DUOX2: variants seen among roughly 807,000 people sequenced by gnomAD.
The protein encoded by DUOX2 is NADH/NADPH thyroid oxidase p138-tox.
Under a neutral mutation model 183.3 loss-of-function variants are expected in DUOX2, and 185 were observed. The observed-to-expected ratio is 1.01, with a 90% CI of 0.90 to 1.14. The LOEUF (loss-of-function observed/expected upper bound fraction) is 1.14. Among genes scored for constraint, DUOX2 ranks in the 50% most tolerant of loss-of-function variants. The pLI is 0.00. For missense variants in DUOX2, 1,999 were observed against 2,022.9 expected (o/e 0.99, Z 0.23); for synonymous variants, 788 against 812.4 (o/e 0.97, Z 0.51).
Position 45,112,972 on chromosome 15 carries a change from G to A in DUOX2, c.160+15C>T. 1 of 1,612,660 alleles carries A rather than the reference G, an allele frequency of 6.2e-7. No individual in the cohort carries two copies. Among genetic ancestry groups the A allele is most frequent in the Non-Finnish European group, 8.5e-7 (1 of 1,179,440 alleles). On this transcript the variant is annotated intron_variant, in intron 3 of 33. Transcript: ENST00000389039. ...CGAGCCACGGCCCCAGCACGCCCGG[G>A]CCCCCAGAACGCACCAACAGCACCA...
chr15:45,097,903 G>T, intron 27 of DUOX2, 106 bp downstream of exon 27: 1 of 1,540,514 alleles, frequency 6.5e-7, no homozygotes, highest in Non-Finnish European at 9.0e-7. Flanking sequence ...TGTCCTGAAG[G>T]CTAGAAACAG....
chr15:45,109,314 T>A (rs779571385), intron 11 of DUOX2: 16 of 611,774 alleles, frequency 2.6e-5, no homozygotes, highest in Admixed American at 5.8e-5. Flanking sequence ...TCAGACATAG[T>A]TAATTTAAAA....
intron 12 of DUOX2, chr15:45,108,567 G>A (rs1894294015): frequency 6.2e-6 from 4 of 647,770 alleles, no homozygotes; most frequent in Non-Finnish European, 1.1e-5. Flanking sequence ...CTGCAGGAAT[G>A]GTACAATGCA....
At chr15:45,109,854 T>TG in intron 10 of DUOX2, 36 bp downstream of exon 10, 1 of 1,594,970 alleles carries the variant, frequency 6.3e-7, no homozygotes, top group Non-Finnish European at 8.6e-7. Context: ...AGACTGACCT[T>TG]GACCCATCTT....
At chr15:45,103,626 C>T (rs566697909) in intron 20 of DUOX2, among the ~76,000 whole-genome samples, 3 of 152,100 alleles carry the variant, frequency 2.0e-5, no homozygotes, top group South Asian at 4.2e-4. Flanking sequence ...TTGGGCGTGC[C>T]GTAAAATAGT....
Position 45,111,840 on chromosome 15 carries a change from G to C in DUOX2, c.441C>G (p.Asp147Glu), listed in dbSNP as rs1393541062. The C allele has an allele frequency of 1.2e-6, 2 of 1,613,212 alleles. No individual in the cohort carries two copies. The highest frequency in any genetic ancestry group is 2.2e-5 in the East Asian group (1 of 44,874). Residue 147 changes from aspartate (D) to glutamate (E), a missense_variant, in exon 5 of 34, where the codon GAC (aspartate) becomes GAG (glutamate). Physicochemically the swap from Asp to Glu is conservative, Grantham distance 45 (BLOSUM62 2). Transcript: ENST00000389039. ...GGCTCCTCTGGAAGGGCAGCACCAC[G>C]TCCCCGCGCTGGTCGGGGTCGAACA... is the stretch of plus-strand genomic sequence containing the variant. ...DPVFDPDQRG[D>E]VVLPFQRSRW...
In DUOX2 at chr15:45,104,129, C is replaced by G. The variant is rs750460804; in HGVS notation, c.2560+11G>C. 6.2e-7 allele frequency: 1 copy of G among 1,614,166 alleles called. No individual in the cohort carries two copies. On this transcript the variant is annotated intron_variant, in intron 19 of 33. Coordinates refer to ENST00000389039, the MANE Select transcript of DUOX2 (RefSeq NM_001363711.2). ...GATTCTTGGATAGCCTGCCACCTCC[C>G]AGCCCCCTACCTTTCATGAAGACCA...
intron 20 of DUOX2, among the ~76,000 whole-genome samples, chr15:45,102,767 A>C (rs572857523): frequency 7.2e-5 from 11 of 152,184 alleles, no homozygotes; most frequent in Non-Finnish European, 1.5e-4. Context: ...TGATCCCCTG[A>C]GGTCAGGAGT....
At chr15:45,108,708 G>A in intron 12 of DUOX2, 81 bp downstream of exon 12, 1 of 1,395,416 alleles carries the variant, frequency 7.2e-7, no homozygotes, top group Non-Finnish European at 1.0e-6. Context: ...TAGATTAAAT[G>A]AGTCAACATA....
rs1894240409 is a variant in DUOX2, at chr15:45,107,118, T to C, written c.1694-149A>G. 4.6e-6 allele frequency: 6 copies of C among 1,292,036 alleles called. No individual in the cohort carries two copies. In the South Asian group the frequency reaches 5.1e-5, roughly 11 times the overall value. 80.0% of individuals were successfully genotyped at this position (1,292,036 alleles called of 1,614,324 possible). A position where few individuals can be genotyped will look rare whatever the true frequency, so the allele number is the denominator to read the frequency against. On this transcript the variant is annotated intron_variant, in intron 14 of 33. Transcript: ENST00000389039. ...ACTGTCTCCCTCAAAAAGTCCCCAT[T>C]CATTTCCTGTCTCTTGGCATCTACC...
At chr15:45,111,732 G>T in intron 5 of DUOX2, 36 bp downstream of exon 5, 1 of 1,506,734 alleles carries the variant, frequency 6.6e-7, no homozygotes, top group Non-Finnish European at 8.9e-7. Context: ...CACCTGGCTG[G>T]GGTGCGGTCC....
chr15:45,112,933 G>T, intron 3 of DUOX2, 54 bp downstream of exon 3: 1 of 1,595,910 alleles, frequency 6.3e-7, no homozygotes, highest in Non-Finnish European at 8.6e-7. Flanking sequence ...GGCCTTTCGC[G>T]CCCCGGCCCT....
At chr15:45,094,744 C>T in intron 32 of DUOX2, 53 bp from the exon 33 acceptor site, 2 of 1,609,492 alleles carry the variant, frequency 1.2e-6, no homozygotes, top group African/African-American at 1.3e-5. Context: ...AGCACTCAGC[C>T]CGAGCCAGCC....
chr15:45,101,912 G>T lies in DUOX2; in HGVS notation c.2732C>A (p.Ser911Ter). The T allele has an allele frequency of 1.2e-6, 2 of 1,614,192 alleles. No individual in the cohort carries two copies. ...AEVVESMFRESGFQDKEELTW... is the reference protein window; with the variant it reads ...AEVVESMFRE ...CAGCTCCTCCTTGTCCTGGAATCCC[G>T]ACTCCCGGAACATAGACTCCACCAC... Residue 911 changes from serine (S) to a stop codon, truncating the protein, a stop_gained, in exon 21 of 34, where the codon TCG (serine) becomes TAG (stop). Coordinates refer to ENST00000389039, the MANE Select transcript of DUOX2 (RefSeq NM_001363711.2). LOFTEE classifies it high-confidence loss of function.
intron 4 of DUOX2, among the ~76,000 whole-genome samples, 199 bp downstream of exon 4, chr15:45,112,355 A>G (rs1213830390): frequency 6.6e-6 from 1 of 152,186 alleles, no homozygotes; most frequent in African/African-American, 2.4e-5. Flanking sequence ...CGTAAGAGAA[A>G]GGTTAGATAC....
Position 45,094,212 on chromosome 15 carries a change from C to T in DUOX2, c.4585G>A (p.Ala1529Thr), listed in dbSNP as rs1374151637. 2.5e-6 allele frequency: 4 copies of T among 1,614,010 alleles called. No homozygotes were observed. The highest frequency in any genetic ancestry group is 3.4e-6 in the Non-Finnish European group (4 of 1,180,028). Reference sequence around the variant, plus strand: ...TCCTGCCTGTTGACGAGCTGACAGGCCTTCTCTACATTCTTGGTCATTCCT... The same window carrying T: ...TCCTGCCTGTTGACGAGCTGACAGGTCTTCTCTACATTCTTGGTCATTCCT... ...PPGMTKNVEK[A>T]CQLVNRQDRA... Residue 1529 changes from alanine (A) to threonine (T), a missense_variant, in exon 34 of 34, where the codon GCC (alanine) becomes ACC (threonine). Coordinates refer to ENST00000389039, the MANE Select transcript of DUOX2 (RefSeq NM_001363711.2).
In DUOX2 at chr15:45,095,587, A is replaced by G. The variant is rs1277098314; in HGVS notation, c.4089T>C (p.Leu1363=). The change falls in exon 31 of 34, where the codon CTT becomes CTC. Residue 1363 remains leucine (L), a synonymous_variant. Transcript: ENST00000389039. The part of the protein sequence containing the change: ...NGCAGYPKLY[L]DGPFGEGHQE... Reference sequence around the variant, plus strand: ...GATGGCCCTCTCCAAACGGTCCATCAAGGTACAGCTGCCAAGAGAGGGGGG... The same window carrying G: ...GATGGCCCTCTCCAAACGGTCCATCGAGGTACAGCTGCCAAGAGAGGGGGG... The G allele has an allele frequency of 6.2e-7, 1 of 1,614,220 alleles. No individual in the cohort carries two copies. The highest frequency in any genetic ancestry group is 2.2e-5 in the East Asian group (1 of 44,890).
chr15:45,101,415 G>A, intron 21 of DUOX2, 141 bp from the exon 22 acceptor site: 1 of 783,378 alleles, frequency 1.3e-6, no homozygotes, highest in Non-Finnish European at 2.2e-6. Flanking sequence ...CCTAGACTAA[G>A]CACTCACTGT....
At position 45,111,364 on chromosome 15, in the gene DUOX2, T is replaced by A. The variant is rs1894393060; in HGVS notation, c.715+20A>T. 1 of 1,431,694 alleles carries A rather than the reference T, an allele frequency of 7.0e-7. No individual in the cohort carries two copies. The highest frequency in any genetic ancestry group is 9.1e-7 in the Non-Finnish European group (1 of 1,095,862). The allele number at this position is 1,431,694 out of a possible 1,614,324, so 88.7% of individuals were successfully genotyped here. A position where few individuals can be genotyped will look rare whatever the true frequency, so the allele number is the denominator to read the frequency against. ...ACTCGCAGACCCCCAGCCGGCCCCG[T>A]CCCGCCCCTGTGGCCTCACCGTACA... On this transcript the variant is annotated intron_variant, in intron 6 of 33. Coordinates refer to ENST00000389039, the MANE Select transcript of DUOX2 (RefSeq NM_001363711.2).
Sources: allele counts gnomAD v4.1 joint callset (sites outside exome capture counted in the v4.1 genomes callset), GRCh38; gene constraint gnomAD v4.1.1; transcripts MANE v1.5; gene names NCBI Gene and HGNC (gene_info 2026-07-23, HGNC 2026-07-21).